The following HSD17B4 variants were observed in gnomAD, a reference collection of about 807,000 sequenced individuals.
The protein encoded by HSD17B4 is hydroxysteroid 17-beta dehydrogenase 4.
HSD17B4 carries 70 observed loss-of-function variants against 101.0 expected under a neutral mutation model. The ratio of observed to expected loss-of-function variants is 0.69; its 90% CI spans 0.57 to 0.85. The LOEUF is 0.85. Ranked by LOEUF, HSD17B4 falls within the 40% of genes least tolerant of loss-of-function variation. The pLI is 0.00. For missense variants in HSD17B4, 984 were observed against 892.4 expected, an observed-to-expected ratio of 1.10 and a Z score of -1.31; for synonymous variants, 347 against 297.1, an observed-to-expected ratio of 1.17 and a Z score of -1.73.
In HSD17B4 at chr5:119,496,545, T is replaced by C; in HGVS notation, c.871T>C (p.Ser291Pro). 1 of 1,512,542 alleles carries C rather than the reference T, an allele frequency of 6.6e-7. No homozygotes were observed. Among genetic ancestry groups the C allele is most frequent in the Non-Finnish European group, 9.2e-7 (1 of 1,087,812 alleles). The allele number at this position is 1,512,542 out of a possible 1,614,324, so 93.7% of individuals were successfully genotyped here. Residue 291 changes from serine to proline, a missense_variant and splice_region_variant, in exon 12 of 24, where the codon TCA becomes CCA. By Grantham distance (74) the Ser-to-Pro change is moderately conservative. Coordinates refer to ENST00000510025, the MANE Select transcript of HSD17B4 (RefSeq NM_000414.4). ...NASKPQSIQE[S>P]TGSIIEVLSK... ...TTGTTTTTCATTTTTCATTTTAGAA[T>C]CAACTGGCAGTATAATTGAAGTTCT...
chr5:119,459,950 A>C (rs1284566947), intron 2 of HSD17B4, among the ~76,000 whole-genome samples: 3 of 147,746 alleles, frequency 2.0e-5, no homozygotes, highest in East Asian at 4.0e-4. Flanking sequence ...GGCTCACTGC[A>C]AGCTCCACCT....
At chr5:119,538,425 G>T (rs1042173039) in intron 23 of HSD17B4, among the ~76,000 whole-genome samples, 1 of 152,114 alleles carries the variant, frequency 6.6e-6, no homozygotes, top group Non-Finnish European at 1.5e-5. Flanking sequence ...CCACCCAGGA[G>T]CCAGAGTAAT....
At chr5:119,494,059 G>T in intron 11 of HSD17B4, 113 bp downstream of exon 11, 1 of 1,035,536 alleles carries the variant, frequency 9.7e-7, no homozygotes, top group Non-Finnish European at 1.5e-6. Context: ...CACTTGAATC[G>T]TCTATAGCAT....
At chr5:119,477,721 T>C in intron 7 of HSD17B4, 2 of 525,058 alleles carry the variant, frequency 3.8e-6, no homozygotes, top group Non-Finnish European at 3.5e-6. Flanking sequence ...TTTTACCTCT[T>C]TTTGTTATTA....
Position 119,531,343 on chromosome 5 carries a change from G to A in HSD17B4, c.1932G>A (p.Lys644=), listed in dbSNP as rs1204129390. ...AGGATATTGGGCCTGAGGTGGTGAA[G>A]AAAGTAAATGCTGTATTTGAGTGGC... ...RLKDIGPEVV[K]KVNAVFEWHI... The change falls in exon 22 of 24, where the codon AAG becomes AAA. Residue 644 remains lysine (K), a synonymous_variant. Transcript: ENST00000510025. 1.9e-6 allele frequency: 3 copies of A among 1,613,548 alleles called. No homozygotes were observed. The highest frequency in any genetic ancestry group is 2.5e-6 in the Non-Finnish European group (3 of 1,179,722).
intron 21 of HSD17B4, 195 bp downstream of exon 21, chr5:119,530,175 C>G: frequency 1.7e-6 from 1 of 576,862 alleles, no homozygotes; most frequent in Non-Finnish European, 3.1e-6. Context: ...TTAAAAAACT[C>G]GTTTTGCAGG....
intron 2 of HSD17B4, among the ~76,000 whole-genome samples, chr5:119,457,254 A>G (rs1754769707): frequency 6.6e-6 from 1 of 152,206 alleles, no homozygotes. Context: ...ATTTCCTGGG[A>G]TAAAACTGTG....
At chr5:119,484,265 A>G (rs1326414149) in intron 8 of HSD17B4, among the ~76,000 whole-genome samples, 3 of 152,168 alleles carry the variant, frequency 2.0e-5, no homozygotes, top group East Asian at 3.9e-4. Context: ...TCTATAGACT[A>G]TTCCTCATTC....
intron 22 of HSD17B4, among the ~76,000 whole-genome samples, chr5:119,532,450 T>C (rs1754197019): frequency 1.3e-5 from 2 of 152,078 alleles, no homozygotes; most frequent in South Asian, 2.1e-4. Flanking sequence ...AAGCATAGTT[T>C]TAGAAAATAG....
chr5:119,486,510 T>C (rs976944397), intron 8 of HSD17B4, among the ~76,000 whole-genome samples: 1 of 152,288 alleles, frequency 6.6e-6, no homozygotes, highest in African/African-American at 2.4e-5. Flanking sequence ...ATAAACACTT[T>C]ATTGTTTGGT....
At chr5:119,469,614 C>T (rs1247905558) in intron 2 of HSD17B4, among the ~76,000 whole-genome samples, 1 of 152,190 alleles carries the variant, frequency 6.6e-6, no homozygotes, top group African/African-American at 2.4e-5. Context: ...CTGGGCCTCC[C>T]AAAGTGCTGG....
At chr5:119,534,757 G>A (rs3797372) in intron 22 of HSD17B4, among the ~76,000 whole-genome samples, 41,819 of 151,860 alleles carry the variant, frequency 0.28, 6,955 homozygotes, top group East Asian at 0.4. Context: ...TAGGAATGGG[G>A]GCCTGTTTGT....
intron 16 of HSD17B4, among the ~76,000 whole-genome samples, chr5:119,514,439 A>G (rs556490099): frequency 5.3e-5 from 8 of 152,328 alleles, no homozygotes; most frequent in African/African-American, 1.9e-4. Flanking sequence ...TTTGGTTTAA[A>G]TCAACCCTAA....
intron 8 of HSD17B4, among the ~76,000 whole-genome samples, chr5:119,480,831 G>A (rs560604523): frequency 6.6e-6 from 1 of 152,294 alleles, no homozygotes; most frequent in African/African-American, 2.4e-5. Flanking sequence ...ACCCCTAGGT[G>A]CGCATTCTCT....
At chr5:119,463,655 C>CTT (rs57252147) in intron 2 of HSD17B4, among the ~76,000 whole-genome samples, 1,439 of 29,722 alleles carry the variant, frequency 0.048, 282 homozygotes, top group Non-Finnish European at 0.085. Context: ...ATTTATATGT[C>CTT]TTTTTTTTTT....
At chr5:119,473,310 G>GTTT (rs1748206245) in intron 2 of HSD17B4, among the ~76,000 whole-genome samples, 1 of 31,360 alleles carries the variant, frequency 3.2e-5, no homozygotes, top group Non-Finnish European at 7.0e-5. Context: ...TTTCTTCCCT[G>GTTT]CTCCTTTTTT....
intron 20 of HSD17B4, 143 bp downstream of exon 20, chr5:119,527,362 G>A: frequency 3.3e-6 from 2 of 612,748 alleles, no homozygotes; most frequent in South Asian, 2.0e-5. Context: ...AGCTTGTCTG[G>A]TGTTTTCAAA....
chr5:119,540,713 C>G (rs997359432), intron 23 of HSD17B4, among the ~76,000 whole-genome samples: 1 of 152,136 alleles, frequency 6.6e-6, no homozygotes, highest in Non-Finnish European at 1.5e-5. Flanking sequence ...AAAGTTGTTG[C>G]CTTTTCTCCA....
At chr5:119,471,357 A>G (rs1756345082) in intron 2 of HSD17B4, among the ~76,000 whole-genome samples, 1 of 152,178 alleles carries the variant, frequency 6.6e-6, no homozygotes, top group African/African-American at 2.4e-5. Context: ...TATCAAAAAA[A>G]AATCTCAGTC....
Sources: allele counts gnomAD v4.1 joint callset (sites outside exome capture counted in the v4.1 genomes callset), GRCh38; gene constraint gnomAD v4.1.1; transcripts MANE v1.5; gene names NCBI Gene and HGNC (gene_info 2026-07-23, HGNC 2026-07-21).